The following SLC25A48 variants were observed in gnomAD, a reference collection of about 807,000 sequenced individuals.
SLC25A48 encodes the protein solute carrier family 25 member 48.
Under a neutral mutation model 32.2 loss-of-function variants are expected in SLC25A48, and 29 were observed. That is an observed-to-expected ratio of 0.90 (90% CI 0.67 to 1.23). The LOEUF is 1.23. Among genes scored for constraint, SLC25A48 ranks in the 50% most tolerant of loss-of-function variants. SLC25A48 has a pLI of 0.00. For missense variants in SLC25A48, 399 were observed against 422.7 expected (o/e 0.94, Z 0.49); for synonymous variants, 164 against 172.3 (o/e 0.95, Z 0.38).
chr5:135,867,437 A>G (rs1761291307), intron 4 of SLC25A48, among the ~76,000 whole-genome samples: 1 of 152,184 alleles, frequency 6.6e-6, no homozygotes, highest in African/African-American at 2.4e-5. Context: ...AATTGGTCCC[A>G]TGGTATCAGA....
chr5:135,684,772 T>C (rs1753978002), intron 3 of SLC25A48, among the ~76,000 whole-genome samples: 1 of 152,222 alleles, frequency 6.6e-6, no homozygotes, highest in Admixed American at 6.5e-5. Flanking sequence ...TAAACTTCCT[T>C]ATTCCGTTTC....
At chr5:135,795,460 C>T (rs1347849376) in intron 3 of SLC25A48, among the ~76,000 whole-genome samples, 1 of 151,790 alleles carries the variant, frequency 6.6e-6, no homozygotes, top group Non-Finnish European at 1.5e-5. Flanking sequence ...GATGGTATTA[C>T]TCTCAATGTC....
chr5:135,879,988 T>C lies in SLC25A48; in HGVS notation c.834T>C (p.Thr278=). The part of the protein sequence containing the change: ...EGLKVFFRGI[T]VNAVRGFPMS... Reference sequence around the variant, plus strand: ...CAAAGGTGTTTTTCAGAGGCATCACTGTGAACGCGGTGCGGGGCTTCCCCA... The same window carrying C: ...CAAAGGTGTTTTTCAGAGGCATCACCGTGAACGCGGTGCGGGGCTTCCCCA... The change falls in exon 7 of 8, where the codon ACT becomes ACC. Residue 278 remains threonine (T), a synonymous_variant. Transcript: ENST00000681962. 1 of 1,536,388 alleles carries C rather than the reference T, an allele frequency of 6.5e-7. No individual in the cohort carries two copies. The highest frequency in any genetic ancestry group is 8.7e-7 in the Non-Finnish European group (1 of 1,146,954).
chr5:135,728,081 ACC>A (rs1755131272), intron 3 of SLC25A48, among the ~76,000 whole-genome samples: 1 of 151,990 alleles, frequency 6.6e-6, no homozygotes, highest in Admixed American at 6.6e-5. Context: ...ACCTGGTGAA[ACC>A]CCATCTCTAC....
At chr5:135,832,043 T>A (rs951460786), upstream of SLC25A48, among the ~76,000 whole-genome samples, 1 of 152,004 alleles carries the variant, frequency 6.6e-6, no homozygotes, top group Non-Finnish European at 1.5e-5. Context: ...CTGTTTTGGG[T>A]GGCCACTGGG....
intron 3 of SLC25A48, among the ~76,000 whole-genome samples, chr5:135,681,268 C>T (rs1181982764): frequency 6.6e-6 from 1 of 152,192 alleles, no homozygotes; most frequent in Admixed American, 6.5e-5. Flanking sequence ...GCCACTGTGC[C>T]CAGCTGTGTT....
At chr5:135,835,233 C>T (rs768876202) in intron 1 of SLC25A48, 25 of 543,772 alleles carry the variant, frequency 4.6e-5, no homozygotes, top group Non-Finnish European at 8.4e-5. Flanking sequence ...CTGGTGCACA[C>T]CTGAATTGCG....
intron 3 of SLC25A48, among the ~76,000 whole-genome samples, chr5:135,765,731 G>T (rs1216347555): frequency 6.6e-6 from 1 of 151,236 alleles, no homozygotes; most frequent in East Asian, 2.0e-4. Context: ...TATCACAGAG[G>T]GTGTACACCT....
chr5:135,803,843 C>T (rs543564409), intron 3 of SLC25A48, among the ~76,000 whole-genome samples: 1 of 151,496 alleles, frequency 6.6e-6, no homozygotes, highest in East Asian at 1.9e-4. Context: ...CTTGTGTATA[C>T]CTTGTACACT....
chr5:135,770,724 G>T (rs1028782887), intron 3 of SLC25A48, among the ~76,000 whole-genome samples: 5 of 151,484 alleles, frequency 3.3e-5, no homozygotes, highest in African/African-American at 1.2e-4. Flanking sequence ...TATCAAAGAG[G>T]TGTATACCAC....
Position 135,717,456 on chromosome 5 carries a change from T to C in SLC25A48, c.-521+82500T>C, listed in dbSNP as rs78563454. On this transcript the variant is annotated intron_variant, in intron 3 of 10. Transcript: ENST00000646290. The stretch of plus-strand genomic sequence containing the variant: ...GGACCGAATTTGCCCCCAAAAGATA[T>C]GGAATCCTAACCCCAGTACCTGTGA... Among the ~76,000 whole-genome samples, 1,405 of 152,334 alleles carry C rather than the reference T, an allele frequency of 9.2e-3. 11 individuals carry two copies. Among genetic ancestry groups the C allele is most frequent in the Middle Eastern group, 0.02 (6 of 294 alleles).
At chr5:135,706,848 G>T (rs1034158762) in intron 3 of SLC25A48, among the ~76,000 whole-genome samples, 3 of 152,240 alleles carry the variant, frequency 2.0e-5, no homozygotes, top group Non-Finnish European at 4.4e-5. Context: ...TCAGGCAGTG[G>T]TGGGTGAGGG....
chr5:135,759,944 C>G (rs1756021079), intron 3 of SLC25A48, among the ~76,000 whole-genome samples: 1 of 151,798 alleles, frequency 6.6e-6, no homozygotes, highest in African/African-American at 2.4e-5. Context: ...ATTCTCCTGC[C>G]TCAGTCTCCT....
At chr5:135,841,170 G>A (rs887439220) in intron 1 of SLC25A48, among the ~76,000 whole-genome samples, 4 of 152,186 alleles carry the variant, frequency 2.6e-5, no homozygotes, top group Non-Finnish European at 4.4e-5. Context: ...AATGACTACA[G>A]ATGTTGAGCA....
chr5:135,590,373 C>T (rs1367399337), intron 1 of SLC25A48, among the ~76,000 whole-genome samples: 1 of 152,152 alleles, frequency 6.6e-6, no homozygotes, highest in Non-Finnish European at 1.5e-5. Context: ...CCACACCATC[C>T]CTGCCCATGG....
intron 2 of SLC25A48, among the ~76,000 whole-genome samples, chr5:135,631,847 T>A (rs1355611618): frequency 6.6e-6 from 1 of 152,238 alleles, no homozygotes; most frequent in African/African-American, 2.4e-5. Context: ...ATCCCATCTT[T>A]AGTGTAAATT....
At chr5:135,744,276 T>C (rs921308430) in intron 3 of SLC25A48, among the ~76,000 whole-genome samples, 11 of 152,156 alleles carry the variant, frequency 7.2e-5, no homozygotes, top group African/African-American at 2.7e-4. Context: ...GCCCTCAAGC[T>C]CTGGCTCAAT....
Position 135,888,271 on chromosome 5 carries a change from C to G in SLC25A48, c.*247C>G. 1 of 519,232 alleles carries G rather than the reference C, an allele frequency of 1.9e-6. No individual in the cohort carries two copies. Among genetic ancestry groups the G allele is most frequent in the Non-Finnish European group, 3.4e-6 (1 of 293,786 alleles). 32.2% of individuals were successfully genotyped at this position (519,232 alleles called of 1,614,324 possible). A position where few individuals can be genotyped will look rare whatever the true frequency, so the allele number is the denominator to read the frequency against. ...ACTCTGCTAGGCTGGCATCAAAGAG[C>G]TTTCCAAGAAATGTTTGGTCCAGCT... is the stretch of plus-strand genomic sequence containing the variant. On this transcript the variant is annotated 3_prime_UTR_variant, in exon 8 of 8. Coordinates refer to ENST00000681962, the MANE Select transcript of SLC25A48 (RefSeq NM_001349336.2).
chr5:135,887,608 G>A (rs894771105), intron 7 of SLC25A48, among the ~76,000 whole-genome samples: 6 of 152,160 alleles, frequency 3.9e-5, no homozygotes, highest in South Asian at 2.1e-4. Context: ...GGGAGTGCAC[G>A]ATCTTGGCCC....
Sources: gnomAD v4.1 joint callset for allele counts (sites outside exome capture counted in the v4.1 genomes callset) on GRCh38, gnomAD v4.1.1 for gene constraint, MANE v1.5 for transcripts, NCBI Gene and HGNC (gene_info 2026-07-23, HGNC 2026-07-21) for gene names.